RELN: variants seen among roughly 807,000 people sequenced by gnomAD.
RELN encodes the protein reelin.
In RELN, 108 loss-of-function variants were observed where a neutral mutation model predicts 427.6. The observed-to-expected ratio is 0.25, with a 90% CI of 0.22 to 0.30. RELN has a LOEUF of 0.30. RELN is among the 10% of genes least tolerant of loss of function. The pLI is 1.00. For synonymous variants in RELN, 1,524 were observed against 1,513.4 expected (o/e 1.01, Z -0.16); for missense variants, 3,715 against 4,302.8 (o/e 0.86, Z 3.82).
At chr7:103,742,073 A>C (rs1198565897) in intron 6 of RELN, among the ~76,000 whole-genome samples, 1 of 152,106 alleles carries the variant, frequency 6.6e-6, no homozygotes, top group Non-Finnish European at 1.5e-5. Flanking sequence ...CAAAACTTCC[A>C]CAGGAACGAT....
In RELN at chr7:103,535,348, A is replaced by C; in HGVS notation, c.7317T>G (p.Thr2439=). 6.2e-7 allele frequency: 1 copy of C among 1,614,068 alleles called. No homozygotes were observed. Among genetic ancestry groups the C allele is most frequent in the Non-Finnish European group, 8.5e-7 (1 of 1,179,958 alleles). ...AAGGAGGGAGAGGCAGAGTGATTCT[A>C]GTCCACTTGTTGAAAGTGTCTGACA... ...ILVSDTFNKW[T]RITLPLPPYT... The change falls in exon 46 of 65, where the codon ACT becomes ACG. Residue 2439 remains threonine, a synonymous_variant. Coordinates refer to ENST00000428762, the MANE Select transcript of RELN (RefSeq NM_005045.4).
intron 3 of RELN, among the ~76,000 whole-genome samples, chr7:103,798,897 C>T (rs565141728): frequency 3.6e-4 from 55 of 152,316 alleles, no homozygotes; most frequent in Non-Finnish European, 7.1e-4. Context: ...GTGTTAGCTA[C>T]CAAAATTTTC....
chr7:103,772,535 TAGAG>T (rs1791595254), intron 4 of RELN, among the ~76,000 whole-genome samples: 1 of 152,000 alleles, frequency 6.6e-6, no homozygotes, highest in African/African-American at 2.4e-5. Context: ...GAGAATTCTG[TAGAG>T]AGAGTTATGT....
intron 24 of RELN, 90 bp from the exon 25 acceptor site, chr7:103,596,751 G>T: frequency 1.8e-6 from 2 of 1,095,330 alleles, no homozygotes; most frequent in Non-Finnish European, 2.8e-6. Flanking sequence ...GGACATCTTA[G>T]CACTATGTGG....
Position 103,577,713 on chromosome 7 carries a change from T to A in RELN, c.4146-2008A>T, listed in dbSNP as rs1160595353. On this transcript the variant is annotated intron_variant, in intron 28 of 64. Transcript: ENST00000428762. ...TACACCAGCATTTGTCAACTACTCT[T>A]AAGGAAAATGTTAAGGCCTCTATGC... Among the ~76,000 whole-genome samples, 5 of 152,174 alleles carry A rather than the reference T, an allele frequency of 3.3e-5. No homozygotes were observed. In the South Asian group the frequency reaches 1.0e-3, roughly 32 times the overall value.
intron 2 of RELN, among the ~76,000 whole-genome samples, chr7:103,876,839 AT>A (rs60821571): frequency 0.18 from 27,028 of 149,992 alleles, 2,725 homozygotes; most frequent in South Asian, 0.35. Flanking sequence ...TTAGGCTTAA[AT>A]TTTTTTTTTT....
At chr7:103,553,622 T>G in intron 39 of RELN, 38 bp downstream of exon 39, 2 of 1,612,926 alleles carry the variant, frequency 1.2e-6, no homozygotes, top group Non-Finnish European at 1.7e-6. Flanking sequence ...ATGATTTGTA[T>G]ACAGCAGTGG....
chr7:103,917,928 C>A (rs79345184), intron 1 of RELN, among the ~76,000 whole-genome samples: 1 of 152,046 alleles, frequency 6.6e-6, no homozygotes, highest in African/African-American at 2.4e-5. Flanking sequence ...TCCTGCTTGA[C>A]GTAACATTTT....
Position 103,486,242 on chromosome 7 carries a change from T to G in RELN, c.9938A>C (p.Gln3313Pro). The G allele has an allele frequency of 6.2e-7, 1 of 1,614,070 alleles. No homozygotes were observed. Among genetic ancestry groups the G allele is most frequent in the Non-Finnish European group, 8.5e-7 (1 of 1,180,016 alleles). ...AGGCTTGGTAGCTGCTTGCCTGATCTGACAGCCATTAAAGTACAGTGAGTC... is the reference window on the plus strand; with the variant it reads ...AGGCTTGGTAGCTGCTTGCCTGATCGGACAGCCATTAAAGTACAGTGAGTC... ...HGDSLYFNGC[Q>P]IRQAATKPLD... The change falls in exon 61 of 65, where the codon CAG (glutamine) becomes CCG (proline). Residue 3313 changes from glutamine to proline, a missense_variant. Physicochemically the swap from Gln to Pro is moderately conservative, Grantham distance 76. Around this residue, in one of 4 missense-constraint regions of RELN, gnomAD observed 195 missense variants for 281.3 expected, o/e 0.69. Coordinates refer to ENST00000428762, the MANE Select transcript of RELN (RefSeq NM_005045.4).
At chr7:103,614,717 T>A (rs1404976979) in intron 20 of RELN, among the ~76,000 whole-genome samples, 1 of 152,222 alleles carries the variant, frequency 6.6e-6, no homozygotes, top group Non-Finnish European at 1.5e-5. Flanking sequence ...GTCAGTCTTT[T>A]CTTGTGTTTG....
intron 1 of RELN, among the ~76,000 whole-genome samples, chr7:103,951,777 A>G (rs918463068): frequency 1.3e-5 from 2 of 152,120 alleles, no homozygotes; most frequent in South Asian, 2.1e-4. Flanking sequence ...GGTTCAAGCA[A>G]TTCTTGTGCC....
Position 103,924,909 on chromosome 7 carries a change from C to T in RELN, c.227-7724G>A, listed in dbSNP as rs1189147268. Among the ~76,000 whole-genome samples the T allele has an allele frequency of 3.3e-5, 5 of 151,518 alleles. No homozygotes were observed. The East Asian group carries it at 9.7e-4, about 29-fold the overall frequency. ...TCTCCTACTCAATCCCTCTACATTGCCTTTCCTCTTCTTTATGTTCCAAAC... is the reference window on the plus strand; with the variant it reads ...TCTCCTACTCAATCCCTCTACATTGTCTTTCCTCTTCTTTATGTTCCAAAC... On this transcript the variant is annotated intron_variant, in intron 1 of 64. Transcript: ENST00000428762.
chr7:103,575,644 A>G lies in RELN; in HGVS notation c.4207T>C (p.Leu1403=). The stretch of plus-strand genomic sequence containing the variant: ...GGCTCGGATATGTACACTCCATCTA[A>G]ACCAAATGGAGGCACGTTTTTCTGT... ...SSQKNVPPFG[L]DGVYISEPCP... is the part of the protein sequence containing the mutation. Residue 1403 remains leucine (L), a synonymous_variant, in exon 29 of 65, where the codon TTA becomes CTA. Coordinates refer to ENST00000428762, the MANE Select transcript of RELN (RefSeq NM_005045.4). The G allele has an allele frequency of 6.2e-7, 1 of 1,613,954 alleles. No homozygotes were observed. The highest frequency in any genetic ancestry group is 1.1e-5 in the South Asian group (1 of 91,082).
In RELN at chr7:103,812,665, C is replaced by T. The variant is rs181058089; in HGVS notation, c.473+20872G>A. Reference sequence around the variant, plus strand: ...GGCCAATCTTTTCTTTTTCTTACTACTTTTAGATTTAAGTCTTCCCTGAAT... The same window carrying T: ...GGCCAATCTTTTCTTTTTCTTACTATTTTTAGATTTAAGTCTTCCCTGAAT... On this transcript the variant is annotated intron_variant, in intron 3 of 64. Coordinates refer to ENST00000428762, the MANE Select transcript of RELN (RefSeq NM_005045.4). 2.9e-3 allele frequency among the ~76,000 whole-genome samples: 449 copies of T among 152,270 alleles called. 3 individuals are homozygous for T. Among genetic ancestry groups the T allele is most frequent in the African/African-American group, 0.01 (435 of 41,564 alleles).
chr7:103,496,931 T>A (rs1828859473), intron 55 of RELN, among the ~76,000 whole-genome samples, 163 bp from the exon 56 acceptor site: 1 of 152,220 alleles, frequency 6.6e-6, no homozygotes, highest in African/African-American at 2.4e-5. Flanking sequence ...CTACTTATAC[T>A]GTTTCTGTAT....
chr7:103,504,816 A>G (rs1829152577), intron 51 of RELN, among the ~76,000 whole-genome samples: 1 of 152,180 alleles, frequency 6.6e-6, no homozygotes, highest in Non-Finnish European at 1.5e-5. Context: ...CCAGCAAGGT[A>G]AGATTCACTG....
chr7:103,532,164 C>T (rs1398525930), intron 46 of RELN, among the ~76,000 whole-genome samples: 3 of 152,166 alleles, frequency 2.0e-5, no homozygotes, highest in Admixed American at 6.5e-5. Context: ...AGCTGGAAGC[C>T]ATTATCCTCA....
At chr7:103,877,623 A>G (rs532551042) in intron 2 of RELN, among the ~76,000 whole-genome samples, 48 of 152,212 alleles carry the variant, frequency 3.2e-4, no homozygotes, top group Middle Eastern at 3.4e-3. Context: ...CAAATTCATC[A>G]TACAACTTCC....
intron 2 of RELN, among the ~76,000 whole-genome samples, chr7:103,850,801 G>C (rs1464858155): frequency 1.3e-5 from 2 of 152,168 alleles, no homozygotes; most frequent in Non-Finnish European, 2.9e-5. Flanking sequence ...CCTTACTCCT[G>C]CAAGAATGGC....
Sources: allele counts gnomAD v4.1 joint callset (sites outside exome capture counted in the v4.1 genomes callset), GRCh38; gene constraint gnomAD v4.1.1; regional missense constraint gnomAD v4.1.1; transcripts MANE v1.5; gene names NCBI Gene and HGNC (gene_info 2026-07-23, HGNC 2026-07-21).